FANCL: variants seen among roughly 807,000 people sequenced by gnomAD.
FANCL encodes E3 ubiquitin-protein ligase FANCL.
A neutral mutation model predicts 59.4 loss-of-function variants in FANCL; 69 were observed. The observed-to-expected ratio is 1.16, with a 90% CI of 0.96 to 1.42. The LOEUF is 1.42. FANCL is among the 40% of genes most tolerant of loss of function. FANCL has a pLI of 0.00. For missense variants in FANCL, 519 were observed against 447.2 expected (o/e 1.16, Z -1.45); for synonymous variants, 180 against 147.1 (o/e 1.22, Z -1.62).
At chr2:58,174,263 G>C (rs1051757613) in intron 7 of FANCL, among the ~76,000 whole-genome samples, 1 of 152,148 alleles carries the variant, frequency 6.6e-6, no homozygotes, top group East Asian at 1.9e-4. Flanking sequence ...CCCAGGAATT[G>C]AACTCAGCTC....
Position 58,198,616 on chromosome 2 carries a change from A to G in FANCL, c.518T>C (p.Phe173Ser), listed in dbSNP as rs1311454552. The change falls in exon 7 of 14, where the codon TTT (phenylalanine) becomes TCT (serine). Residue 173 changes from phenylalanine (F) to serine (S), a missense_variant. Phe to Ser is a radical substitution (Grantham distance 155, BLOSUM62 -2). Coordinates refer to ENST00000233741, the MANE Select transcript of FANCL (RefSeq NM_018062.4). ...TACCTGAGGTGTCCAGGAGGCACAA[A>G]ATGGAACAGGAAAATCCACAAAATA... ...PDYFVDFPVP[F>S]CASWTPQSSL... The G allele has an allele frequency of 1.2e-6, 2 of 1,614,014 alleles. No homozygotes were observed. Among genetic ancestry groups the G allele is most frequent in the Non-Finnish European group, 1.7e-6 (2 of 1,179,918 alleles).
chr2:58,184,423 T>C (rs1688208338), intron 7 of FANCL, among the ~76,000 whole-genome samples: 1 of 152,008 alleles, frequency 6.6e-6, no homozygotes, highest in Non-Finnish European at 1.5e-5. Flanking sequence ...CTCTTGAGTT[T>C]TGGAATAGGT....
intron 6 of FANCL, among the ~76,000 whole-genome samples, 167 bp from the exon 7 acceptor site, chr2:58,198,829 A>T (rs1481700450): frequency 3.3e-5 from 5 of 152,104 alleles, no homozygotes; most frequent in Non-Finnish European, 5.9e-5. Flanking sequence ...GGAGATCGAG[A>T]TCATCCTGGC....
In FANCL at chr2:58,159,460, C is replaced by T; in HGVS notation, c.*305G>A. On this transcript the variant is annotated 3_prime_UTR_variant, in exon 14 of 14. Transcript: ENST00000233741. Reference sequence around the variant, plus strand: ...ACAATTCCCAAACTCATTTTATGAGCCTCATCAAGATTTTACCAGTCCAGA... The same window carrying T: ...ACAATTCCCAAACTCATTTTATGAGTCTCATCAAGATTTTACCAGTCCAGA... 1 of 1,613,632 alleles carries T rather than the reference C, an allele frequency of 6.2e-7. No homozygotes were observed. The highest frequency in any genetic ancestry group is 1.7e-5 in the Admixed American group (1 of 59,968).
intron 7 of FANCL, among the ~76,000 whole-genome samples, chr2:58,182,237 T>C (rs1487943092): frequency 2.0e-5 from 3 of 151,852 alleles, no homozygotes; most frequent in African/African-American, 7.2e-5. Flanking sequence ...TAAACATTAA[T>C]ATACAAATTC....
chr2:58,160,346 C>CTATT (rs757216388), intron 12 of FANCL, among the ~76,000 whole-genome samples, 167 bp from the exon 13 acceptor site: 149 of 152,066 alleles, frequency 9.8e-4, no homozygotes, highest in Middle Eastern at 3.4e-3. Context: ...CAATAGCAGA[C>CTATT]TATTAAGATG....
At chr2:58,232,254 A>G in intron 1 of FANCL, 142 bp from the exon 2 acceptor site, 1 of 723,262 alleles carries the variant, frequency 1.4e-6, no homozygotes, top group South Asian at 1.6e-5. Context: ...TATACTTGTT[A>G]AAATATATGC....
chr2:58,179,566 C>T (rs1687715073), intron 7 of FANCL, among the ~76,000 whole-genome samples: 1 of 152,252 alleles, frequency 6.6e-6, no homozygotes, highest in South Asian at 2.1e-4. Context: ...CTCCCTTACA[C>T]CTTATACAAA....
chr2:58,162,844 T>C, intron 11 of FANCL, 22 bp downstream of exon 11: 1 of 1,596,340 alleles, frequency 6.3e-7, no homozygotes, highest in Non-Finnish European at 8.6e-7. Flanking sequence ...GTCTGGAATA[T>C]CAAAACACTG....
intron 12 of FANCL, among the ~76,000 whole-genome samples, chr2:58,161,007 A>G (rs1430054195): frequency 2.0e-5 from 3 of 152,076 alleles, no homozygotes; most frequent in East Asian, 1.9e-4. Flanking sequence ...TACAGTAAGT[A>G]AAGTGGCATT....
At chr2:58,163,140 G>C (rs1207109227) in intron 9 of FANCL, 66 bp from the exon 10 acceptor site, 1 of 1,353,030 alleles carries the variant, frequency 7.4e-7, no homozygotes, top group Non-Finnish European at 1.0e-6. Flanking sequence ...AGCCACATTT[G>C]ATACAGAATG....
At chr2:58,201,195 G>A (rs1391589613) in intron 6 of FANCL, among the ~76,000 whole-genome samples, 2 of 151,112 alleles carry the variant, frequency 1.3e-5, no homozygotes, top group Non-Finnish European at 3.0e-5. Context: ...AAGTTGTATA[G>A]GTATATATAA....
chr2:58,183,635 T>C (rs1244623093), intron 7 of FANCL, among the ~76,000 whole-genome samples: 1 of 151,968 alleles, frequency 6.6e-6, no homozygotes, highest in Non-Finnish European at 1.5e-5. Flanking sequence ...AATCCTCTTT[T>C]ATGACAATGA....
intron 7 of FANCL, chr2:58,194,309 A>AT (rs1015360293): frequency 3.0e-5 from 14 of 470,688 alleles, no homozygotes; most frequent in African/African-American, 6.0e-5. Flanking sequence ...TATAATCATA[A>AT]TATCAGTGCA....
intron 7 of FANCL, among the ~76,000 whole-genome samples, chr2:58,183,241 G>T (rs1164017856): frequency 6.6e-6 from 1 of 151,652 alleles, no homozygotes; most frequent in Non-Finnish European, 1.5e-5. Flanking sequence ...TCCCTAAAAA[G>T]TATATACACG....
rs118086552 is a variant in FANCL, at chr2:58,182,643, C to G, written c.540+15951G>C. ...AAAATAGTCAATTTGTAACCATATT[C>G]AACAAAGTATATGAGTCAAGCACTG... On this transcript the variant is annotated intron_variant, in intron 7 of 13. Transcript: ENST00000233741. Among the ~76,000 whole-genome samples the G allele has an allele frequency of 1.1e-3, 174 of 151,822 alleles. 4 individuals carry two copies. In the East Asian group the frequency reaches 0.029, roughly 26 times the overall value.
Position 58,171,097 on chromosome 2 carries a change from TTC to T in FANCL, c.541-5225_541-5224del, listed in dbSNP as rs558539189. Among the ~76,000 whole-genome samples, 311 of 152,296 alleles carry T rather than the reference TTC, an allele frequency of 2.0e-3. 1 individual carries two copies. Among genetic ancestry groups the T allele is most frequent in the Admixed American group, 2.2e-3 (34 of 15,286 alleles). ...CATTCCTCTCAGCACCACATCACACTTCTTTTAAAACTGATCACAAAATTTGA... is the reference window on the plus strand; with the variant it reads ...CATTCCTCTCAGCACCACATCACACTTTTTAAAACTGATCACAAAATTTGA... On this transcript the variant is annotated intron_variant, in intron 7 of 13. Coordinates refer to ENST00000233741, the MANE Select transcript of FANCL (RefSeq NM_018062.4).
chr2:58,181,685 A>T (rs1351873888), intron 7 of FANCL, among the ~76,000 whole-genome samples: 5 of 152,022 alleles, frequency 3.3e-5, no homozygotes, highest in Admixed American at 3.3e-4. Flanking sequence ...AGGAAAGATT[A>T]ACTATCAAAT....
chr2:58,161,564 A>G lies in FANCL; in HGVS notation c.978T>C (p.Asn326=). 1.9e-6 allele frequency: 3 copies of G among 1,611,416 alleles called. 1 individual carries two copies. Among genetic ancestry groups the G allele is most frequent in the Middle Eastern group, 1.7e-4 (1 of 6,050 alleles). Residue 326 remains asparagine, a synonymous_variant, in exon 12 of 14, where the codon AAT becomes AAC. Coordinates refer to ENST00000233741, the MANE Select transcript of FANCL (RefSeq NM_018062.4). ...DGTIPDQVCD[N]SQCGQPFHQI... is the part of the protein sequence containing the mutation. ...GATGGAAAGGTTGTCCACACTGAGA[A>G]TTATCACACACTTGATCAGGAATGG...
Sources: gnomAD v4.1 joint callset for allele counts (sites outside exome capture counted in the v4.1 genomes callset) on GRCh38, gnomAD v4.1.1 for gene constraint, MANE v1.5 for transcripts, NCBI Gene and HGNC (gene_info 2026-07-23, HGNC 2026-07-21) for gene names.